Variants in NFATC2 observed in about 807,000 individuals in gnomAD.
NFATC2 encodes nuclear factor of activated T cells 2.
Under a neutral mutation model 87.3 loss-of-function variants are expected in NFATC2, and 22 were observed. The ratio of observed to expected loss-of-function variants is 0.25; its 90% confidence interval spans 0.18 to 0.36. The LOEUF is 0.36. Ranked by LOEUF, NFATC2 falls within the 10% of genes least tolerant of loss-of-function variation. The pLI is 1.00. For missense variants in NFATC2, 1,149 were observed against 1,259.1 expected (o/e 0.91, Z 1.32); for synonymous variants, 565 against 542.2 (o/e 1.04, Z -0.58).
intron 1 of NFATC2, among the ~76,000 whole-genome samples, chr20:51,540,416 A>G (rs1028591080): frequency 6.6e-6 from 1 of 152,194 alleles, no homozygotes; most frequent in African/African-American, 2.4e-5. Context: ...GACAGTCTAC[A>G]ATACAACCAA....
chr20:51,449,513 C>T (rs1332675008), intron 6 of NFATC2, among the ~76,000 whole-genome samples: 1 of 152,198 alleles, frequency 6.6e-6, no homozygotes, highest in Non-Finnish European at 1.5e-5. Context: ...ATGCCGGAAA[C>T]ACACTAGAGA....
At chr20:51,452,232 G>A (rs539490389) in intron 6 of NFATC2, among the ~76,000 whole-genome samples, 1 of 152,150 alleles carries the variant, frequency 6.6e-6, no homozygotes, top group African/African-American at 2.4e-5. Context: ...GGCTGACCTC[G>A]GGCTCTGTGA....
chr20:51,444,826 G>A (rs867744330), intron 6 of NFATC2, among the ~76,000 whole-genome samples: 1 of 152,132 alleles, frequency 6.6e-6, no homozygotes, highest in African/African-American at 2.4e-5. Flanking sequence ...GACAGGGGTG[G>A]GGTGGGGGAG....
At chr20:51,440,582 C>A (rs1474672804) in intron 6 of NFATC2, among the ~76,000 whole-genome samples, 4 of 152,156 alleles carry the variant, frequency 2.6e-5, no homozygotes, top group African/African-American at 9.7e-5. Flanking sequence ...AAAAAGACCT[C>A]AGAGGAATAA....
chr20:51,418,669 T>G (rs1189371686), intron 9 of NFATC2, among the ~76,000 whole-genome samples: 25 of 147,480 alleles, frequency 1.7e-4, no homozygotes, highest in Non-Finnish European at 2.0e-4. Flanking sequence ...GTTTTTTTTT[T>G]TTTTTTTTTT....
At chr20:51,419,068 CTG>C (rs1391326152) in intron 9 of NFATC2, among the ~76,000 whole-genome samples, 1 of 152,162 alleles carries the variant, frequency 6.6e-6, no homozygotes, top group African/African-American at 2.4e-5. Context: ...GGCAGAGACT[CTG>C]TTTCACATGC....
rs369329138 is a variant in NFATC2, at chr20:51,486,965, T to C, written c.1333-11305A>G. ...TGAAGTTTACAATCTTGAGATTGAA[T>C]TGAAAGCACAGCAGCCTGGCAGCTC... is the stretch of plus-strand genomic sequence containing the variant. On this transcript the variant is annotated intron_variant, in intron 3 of 10. Coordinates refer to ENST00000371564, the MANE Select transcript of NFATC2 (RefSeq NM_012340.5). 3.9e-5 allele frequency among the ~76,000 whole-genome samples: 6 copies of C among 152,120 alleles called. No homozygotes were observed. In the East Asian group the frequency reaches 9.7e-4, roughly 25 times the overall value.
intron 3 of NFATC2, among the ~76,000 whole-genome samples, chr20:51,491,182 A>T (rs931907883): frequency 6.6e-6 from 1 of 152,048 alleles, no homozygotes; most frequent in Non-Finnish European, 1.5e-5. Flanking sequence ...TCCAGGGCAC[A>T]AATTTTTAAC....
At chr20:51,505,952 A>G (rs1014920312) in intron 3 of NFATC2, among the ~76,000 whole-genome samples, 9 of 152,152 alleles carry the variant, frequency 5.9e-5, no homozygotes, top group Non-Finnish European at 1.0e-4. Context: ...AATAAGAAAA[A>G]CAATGAGCAT....
chr20:51,477,988 A>G (rs562049881), intron 3 of NFATC2, among the ~76,000 whole-genome samples: 21 of 152,320 alleles, frequency 1.4e-4, no homozygotes, highest in African/African-American at 5.1e-4. Flanking sequence ...CAGCACAGAC[A>G]CAGAATGTTT....
chr20:51,415,328 G>A (rs1979897380), intron 9 of NFATC2, among the ~76,000 whole-genome samples: 1 of 151,856 alleles, frequency 6.6e-6, no homozygotes, highest in Admixed American at 6.6e-5. Context: ...TTGTGTGTCT[G>A]CATCTTATTA....
intron 1 of NFATC2, among the ~76,000 whole-genome samples, chr20:51,533,449 G>A (rs749667787): frequency 6.6e-6 from 1 of 152,228 alleles, no homozygotes. Flanking sequence ...GAGTCAGGTT[G>A]TCACACCCTT....
At chr20:51,557,393 A>G (rs2076987857) in intron 1 of NFATC2, among the ~76,000 whole-genome samples, 1 of 152,134 alleles carries the variant, frequency 6.6e-6, no homozygotes, top group Non-Finnish European at 1.5e-5. Context: ...CAAAATGGGG[A>G]GGACGGGAGA....
chr20:51,457,884 T>A (rs1986734201), intron 5 of NFATC2, among the ~76,000 whole-genome samples: 1 of 85,674 alleles, frequency 1.2e-5, no homozygotes, highest in Admixed American at 1.6e-4. Flanking sequence ...GCCCTCCTCG[T>A]CCTTTTTTTT....
intron 2 of NFATC2, among the ~76,000 whole-genome samples, chr20:51,520,116 G>A (rs1265284742): frequency 6.6e-6 from 1 of 152,120 alleles, no homozygotes. Context: ...GTACTTGTGA[G>A]GAACTAAAGG....
chr20:51,557,984 GA>G (rs1042122358), intron 1 of NFATC2, among the ~76,000 whole-genome samples: 3 of 152,162 alleles, frequency 2.0e-5, no homozygotes, highest in Non-Finnish European at 4.4e-5. Flanking sequence ...GAGCCCAGAG[GA>G]GGCCTCCCAT....
intron 6 of NFATC2, 29 bp from the exon 7 acceptor site, chr20:51,435,790 G>C (rs1384812652): frequency 6.4e-7 from 1 of 1,569,914 alleles, no homozygotes. Flanking sequence ...GACAGACTTT[G>C]AAGGAACTAT....
chr20:51,498,552 C>A (rs1487396579), intron 3 of NFATC2, among the ~76,000 whole-genome samples: 1 of 151,956 alleles, frequency 6.6e-6, no homozygotes, highest in Non-Finnish European at 1.5e-5. Flanking sequence ...AATCCCAGCA[C>A]TTTGGGAGGC....
At chr20:51,433,371 T>C (rs1282945639) in intron 8 of NFATC2, among the ~76,000 whole-genome samples, 1 of 152,184 alleles carries the variant, frequency 6.6e-6, no homozygotes, top group South Asian at 2.1e-4. Context: ...GAATAAGCAC[T>C]ACTGTCTCAA....
Sources: gnomAD v4.1 joint callset for allele counts (sites outside exome capture counted in the v4.1 genomes callset) on GRCh38, gnomAD v4.1.1 for gene constraint, MANE v1.5 for transcripts, NCBI Gene and HGNC (gene_info 2026-07-23, HGNC 2026-07-21) for gene names.